The following FARP1 variants were observed in gnomAD, a reference collection of about 807,000 sequenced individuals.
FARP1 encodes the protein FERM, ARHGEF and pleckstrin domain-containing protein 1.
A neutral mutation model predicts 128.8 loss-of-function variants in FARP1; 52 were observed. The ratio of observed to expected loss-of-function variants is 0.40; its 90% confidence interval spans 0.32 to 0.51. The LOEUF (loss-of-function observed/expected upper bound fraction) is 0.51. FARP1 is among the 20% of genes least tolerant of loss of function. The probability of loss-of-function intolerance (pLI) is 0.45; values close to 1 mark genes in which losing one functional copy is unlikely to be tolerated. For missense variants in FARP1, 1,333 were observed against 1,367.9 expected (o/e 0.97, Z 0.40); for synonymous variants, 580 against 551.8 (o/e 1.05, Z -0.72).
intron 1 of FARP1, among the ~76,000 whole-genome samples, chr13:98,174,547 C>T (rs151189300): frequency 3.4e-4 from 52 of 152,220 alleles, no homozygotes; most frequent in African/African-American, 1.1e-3. Flanking sequence ...CAAAAACGGA[C>T]GGACTTAGGG....
chr13:98,309,152 C>CTTTTT lies in FARP1; in HGVS notation c.172-34610_172-34609insTTTTT. Among the ~76,000 whole-genome samples, 2 of 106,192 alleles carry CTTTTT rather than the reference C, an allele frequency of 1.9e-5. 1 individual carries two copies. Among genetic ancestry groups the CTTTTT allele is most frequent in the African/African-American group, 7.5e-5 (2 of 26,800 alleles). 69.7% of individuals were successfully genotyped at this position (106,192 alleles called of 152,430 possible). On this transcript the variant is annotated intron_variant, in intron 2 of 26. Transcript: ENST00000319562. ...ATATATTAATATTAATTTTAAGAGG[C>CTTTTT]CTTTTTTTTTTTTTTTTTTTTTTTT...
At chr13:98,168,171 C>CAAAAA (rs61061654) in intron 1 of FARP1, among the ~76,000 whole-genome samples, 1 of 140,356 alleles carries the variant, frequency 7.1e-6, no homozygotes, top group South Asian at 2.3e-4. Context: ...GACTCCATCT[C>CAAAAA]AAAAAAAAAA....
intron 2 of FARP1, among the ~76,000 whole-genome samples, chr13:98,275,084 A>C (rs958327741): frequency 1.3e-5 from 2 of 152,308 alleles, no homozygotes; most frequent in East Asian, 3.9e-4. Flanking sequence ...TATCTGACAG[A>C]TATCTTTTGA....
chr13:98,285,566 A>C (rs1464840836), intron 2 of FARP1, among the ~76,000 whole-genome samples: 1 of 152,138 alleles, frequency 6.6e-6, no homozygotes, highest in East Asian at 1.9e-4. Context: ...TTGAAACCTA[A>C]GTGGATCCTG....
intron 3 of FARP1, among the ~76,000 whole-genome samples, chr13:98,351,334 C>G (rs553942595): frequency 6.6e-6 from 1 of 152,122 alleles, no homozygotes; most frequent in South Asian, 2.1e-4. Flanking sequence ...GAGGTTTGGC[C>G]GGGCGCGGTG....
intron 2 of FARP1, among the ~76,000 whole-genome samples, chr13:98,213,909 G>A (rs1232463984): frequency 7.2e-5 from 11 of 152,178 alleles, no homozygotes; most frequent in African/African-American, 2.4e-4. Flanking sequence ...TTTCATGTGA[G>A]GGAATCAGGA....
At chr13:98,422,592 C>T (rs76471040) in intron 16 of FARP1, among the ~76,000 whole-genome samples, 2,861 of 152,238 alleles carry the variant, frequency 0.019, 100 homozygotes, top group African/African-American at 0.065. Context: ...ATGTAATTTG[C>T]ACTATATGCT....
chr13:98,409,431 G>A lies in FARP1; in HGVS notation c.1508G>A (p.Ser503Asn). 1 of 1,614,034 alleles carries A rather than the reference G, an allele frequency of 6.2e-7. No homozygotes were observed. Among genetic ancestry groups the A allele is most frequent in the Non-Finnish European group, 8.5e-7 (1 of 1,180,032 alleles). ...AACGTGACCTTGTCTCCCAACCTGA[G>A]CCCCGACACCAAGCAGGCCTCTCCC... ...PANVTLSPNL[S>N]PDTKQASPLI... The change falls in exon 14 of 27, where the codon AGC becomes AAC. Residue 503 changes from serine (S) to asparagine (N), a missense_variant. This residue lies in a region of FARP1 where 1,009 missense variants were observed against 969.8 expected (regional missense o/e 1.04). Transcript: ENST00000319562.
Position 98,337,702 on chromosome 13 carries a change from A to G in FARP1, c.172-6060A>G, listed in dbSNP as rs372483922. Among the ~76,000 whole-genome samples the G allele has an allele frequency of 6.6e-4, 101 of 152,054 alleles. 3 individuals are homozygous for G. The East Asian group carries it at 7.0e-3, about 10-fold the overall frequency. Reference sequence around the variant, plus strand: ...GCTGTTTCCACCTTTTCCCCATTCAAACTTGACTTGTTTACAGGTTTGGTT... The same window carrying G: ...GCTGTTTCCACCTTTTCCCCATTCAGACTTGACTTGTTTACAGGTTTGGTT... On this transcript the variant is annotated intron_variant, in intron 2 of 26. Coordinates refer to ENST00000319562, the MANE Select transcript of FARP1 (RefSeq NM_005766.4).
Position 98,448,055 on chromosome 13 carries a change from T to C in FARP1, c.3057-181T>C, listed in dbSNP as rs114747499. 1.5e-3 allele frequency: 904 copies of C among 617,444 alleles called. 4 individuals carry two copies. In the African/African-American group the frequency reaches 0.015, roughly 10 times the overall value. The allele number at this position is 617,444 out of a possible 1,614,324, so 38.2% of individuals were successfully genotyped here. A position where few individuals can be genotyped will look rare whatever the true frequency, so the allele number is the denominator to read the frequency against. On this transcript the variant is annotated intron_variant, in intron 26 of 26. Coordinates refer to ENST00000319562, the MANE Select transcript of FARP1 (RefSeq NM_005766.4). The stretch of plus-strand genomic sequence containing the variant: ...CACACTGAGTGAGTGCCCAGGCCAG[T>C]GGGTCTCCACTGTACCTCAGGAACG...
chr13:98,395,381 C>A lies in FARP1; in HGVS notation c.1319C>A (p.Ala440Glu). The change falls in exon 13 of 27, where the codon GCG becomes GAG. Residue 440 changes from alanine to glutamate, a missense_variant. By Grantham distance (107) the Ala-to-Glu change is moderately radical (BLOSUM62 -1). Coordinates refer to ENST00000319562, the MANE Select transcript of FARP1 (RefSeq NM_005766.4). ...PRRSPAGNKQADGAASAPTEE... is the reference protein window; with the variant it reads ...PRRSPAGNKQEDGAASAPTEE... ...AGAAGCCCCGCGGGTAACAAGCAGG[C>A]GGACGGAGCCGCCTCGGCGCCCACG... is the stretch of plus-strand genomic sequence containing the variant. 1.9e-6 allele frequency: 3 copies of A among 1,611,702 alleles called. No homozygotes were observed. The highest frequency in any genetic ancestry group is 2.5e-6 in the Non-Finnish European group (3 of 1,179,052).
chr13:98,213,018 C>T (rs1326226447), intron 1 of FARP1, among the ~76,000 whole-genome samples: 1 of 152,070 alleles, frequency 6.6e-6, no homozygotes, highest in East Asian at 1.9e-4. Context: ...CAAAATTATT[C>T]AAAAGAATAA....
At chr13:98,413,115 T>C (rs1238937678) in intron 16 of FARP1, among the ~76,000 whole-genome samples, 1 of 152,236 alleles carries the variant, frequency 6.6e-6, no homozygotes, top group Non-Finnish European at 1.5e-5. Flanking sequence ...GCGGGAGTTC[T>C]CTGATCTCCC....
chr13:98,448,566 T>C lies in FARP1; in HGVS notation c.*249T>C, dbSNP rs560836259. 36 of 493,004 alleles carry C rather than the reference T, an allele frequency of 7.3e-5. No homozygotes were observed. The South Asian group carries it at 7.6e-4, about 10-fold the overall frequency. The allele number at this position is 493,004 out of a possible 1,614,324, so 30.5% of individuals were successfully genotyped here. On this transcript the variant is annotated 3_prime_UTR_variant, in exon 27 of 27. Transcript: ENST00000319562. ...TTTAGCTAGTGCCAGTATTAAAACA[T>C]TGTCATTACGAGAGTGCCAAATGAC...
At chr13:98,305,410 C>T (rs1886102063) in intron 2 of FARP1, among the ~76,000 whole-genome samples, 1 of 151,936 alleles carries the variant, frequency 6.6e-6, no homozygotes, top group Non-Finnish European at 1.5e-5. Flanking sequence ...TCACCGCAGC[C>T]TCCATCTCCA....
At chr13:98,392,410 C>T (rs1470793511) in intron 11 of FARP1, among the ~76,000 whole-genome samples, 8 of 148,310 alleles carry the variant, frequency 5.4e-5, no homozygotes, top group Non-Finnish European at 1.2e-4. Context: ...TGAGGTAGGA[C>T]GATTGCTTGA....
intron 2 of FARP1, among the ~76,000 whole-genome samples, chr13:98,284,566 A>G (rs1308460259): frequency 6.6e-6 from 1 of 152,208 alleles, no homozygotes; most frequent in African/African-American, 2.4e-5. Context: ...TCATTACGGA[A>G]TTAGATGAAT....
intron 5 of FARP1, among the ~76,000 whole-genome samples, 195 bp from the exon 6 acceptor site, chr13:98,377,626 A>T (rs1051672189): frequency 2.6e-5 from 4 of 152,188 alleles, no homozygotes; most frequent in African/African-American, 9.7e-5. Context: ...CTGTGAAAAG[A>T]TGATAGCATA....
chr13:98,254,020 CTG>C (rs1294070464), intron 2 of FARP1, among the ~76,000 whole-genome samples: 1 of 152,320 alleles, frequency 6.6e-6, no homozygotes, highest in Middle Eastern at 3.4e-3. Flanking sequence ...AAATACCACT[CTG>C]TACTTCTGAT....
Sources: gnomAD v4.1 joint callset for allele counts (sites outside exome capture counted in the v4.1 genomes callset) on GRCh38, gnomAD v4.1.1 for gene constraint, gnomAD v4.1.1 regional missense constraint, MANE v1.5 for transcripts, NCBI Gene and HGNC (gene_info 2026-07-23, HGNC 2026-07-21) for gene names.